The following ARFGEF1 variants were observed in gnomAD, a reference collection of about 807,000 sequenced individuals.
The protein encoded by ARFGEF1 is brefeldin A-inhibited guanine nucleotide-exchange protein 1.
Under a neutral mutation model 231.0 loss-of-function variants are expected in ARFGEF1, and 42 were observed. The observed-to-expected ratio is 0.18, with a 90% CI of 0.14 to 0.24. ARFGEF1 has a LOEUF of 0.24. Ranked by LOEUF, ARFGEF1 falls within the 10% of genes least tolerant of loss-of-function variation. The pLI, the probability that ARFGEF1 is intolerant of heterozygous loss-of-function variation, is 1.00. For missense variants in ARFGEF1, 1,345 were observed against 2,192.0 expected, an observed-to-expected ratio of 0.61 and a Z score of 7.72; for synonymous variants, 710 against 732.3, an observed-to-expected ratio of 0.97 and a Z score of 0.49.
At chr8:67,327,846 A>C (rs190145364) in intron 1 of ARFGEF1, among the ~76,000 whole-genome samples, 11 of 152,354 alleles carry the variant, frequency 7.2e-5, no homozygotes, top group Admixed American at 4.6e-4. Flanking sequence ...ACATCACTAC[A>C]TAGTACTTTG....
At chr8:67,191,560 CT>C (rs2129575402) in intron 5 of ARFGEF1, among the ~76,000 whole-genome samples, 1 of 152,298 alleles carries the variant, frequency 6.6e-6, no homozygotes, top group Non-Finnish European at 1.5e-5. Context: ...CTGGATTTGT[CT>C]TTCTTTTGAA....
In ARFGEF1 at chr8:67,175,522, C is replaced by T. The variant is rs780554630; in HGVS notation, c.*33G>A. 7.0e-5 allele frequency: 104 copies of T among 1,493,788 alleles called. No individual in the cohort carries two copies. In the African/African-American group the frequency reaches 1.2e-3, roughly 18 times the overall value. The allele number at this position is 1,493,788 out of a possible 1,614,324, so 92.5% of individuals were successfully genotyped here. A position where few individuals can be genotyped will look rare whatever the true frequency, so the allele number is the denominator to read the frequency against. ...TGCATCTCTTCTATTGATTTCATTC[C>T]CAGGCATCCTCCTTTCACTGGCAGC... On this transcript the variant is annotated 3_prime_UTR_variant, in exon 6 of 6. Transcript: ENST00000518789.
intron 3 of ARFGEF1, among the ~76,000 whole-genome samples, chr8:67,300,335 A>T (rs1475390741): frequency 6.6e-6 from 1 of 152,218 alleles, no homozygotes; most frequent in East Asian, 1.9e-4. Context: ...AGAACATCTG[A>T]AAAGAGAAGT....
intron 7 of ARFGEF1, among the ~76,000 whole-genome samples, chr8:67,284,652 G>A (rs1409793022): frequency 1.3e-5 from 2 of 152,132 alleles, no homozygotes; most frequent in Non-Finnish European, 2.9e-5. Context: ...GATACAAATA[G>A]AAAGTACAGA....
chr8:67,306,932 C>A (rs941415471), intron 1 of ARFGEF1, among the ~76,000 whole-genome samples: 13 of 152,164 alleles, frequency 8.5e-5, no homozygotes, highest in African/African-American at 1.2e-4. Flanking sequence ...GTGCCCGCCA[C>A]CAAGCACAGC....
intron 7 of ARFGEF1, among the ~76,000 whole-genome samples, chr8:67,283,502 C>T (rs1230450474): frequency 6.6e-6 from 1 of 151,944 alleles, no homozygotes; most frequent in East Asian, 1.9e-4. Context: ...AATATATATG[C>T]AGGCATGTGT....
chr8:67,336,885 C>T (rs1325050904), intron 1 of ARFGEF1, among the ~76,000 whole-genome samples: 2 of 152,178 alleles, frequency 1.3e-5, no homozygotes, highest in African/African-American at 4.8e-5. Flanking sequence ...AATCCCAGCA[C>T]CTTGGGAGGC....
At chr8:67,217,241 T>C (rs181204487) in intron 32 of ARFGEF1, among the ~76,000 whole-genome samples, 2,130 of 150,350 alleles carry the variant, frequency 0.014, 28 homozygotes, top group Non-Finnish European at 0.024. Flanking sequence ...GAGGCGGAGG[T>C]TGTGGTGAGC....
intron 1 of ARFGEF1, among the ~76,000 whole-genome samples, chr8:67,339,339 G>C (rs577840435): frequency 1.3e-5 from 2 of 151,964 alleles, no homozygotes; most frequent in Middle Eastern, 3.4e-3. Context: ...CTCTTATTGT[G>C]TATCAGTGAC....
chr8:67,311,597 C>T (rs1403575931), intron 1 of ARFGEF1, among the ~76,000 whole-genome samples: 4 of 148,448 alleles, frequency 2.7e-5, no homozygotes, highest in South Asian at 2.2e-4. Flanking sequence ...CCAGCCGCCT[C>T]GTCCGGGAGG....
At chr8:67,218,282 C>A (rs902006555) in intron 30 of ARFGEF1, 144 bp from the exon 31 acceptor site, 1 of 179,334 alleles carries the variant, frequency 5.6e-6, no homozygotes, top group South Asian at 2.0e-4. Flanking sequence ...CCTTTTAGAC[C>A]CCTGAATTCC....
chr8:67,270,751 G>A (rs1185099728), intron 10 of ARFGEF1, among the ~76,000 whole-genome samples: 19 of 146,520 alleles, frequency 1.3e-4, no homozygotes, highest in Non-Finnish European at 2.4e-4. Context: ...AAAGCTGGGC[G>A]CAGTGGCTCA....
chr8:67,325,909 G>A (rs1807811765), intron 1 of ARFGEF1, among the ~76,000 whole-genome samples: 2 of 152,172 alleles, frequency 1.3e-5, no homozygotes, highest in Admixed American at 1.3e-4. Context: ...AAGGCTGGGC[G>A]CAGTGGCTCA....
intron 14 of ARFGEF1, among the ~76,000 whole-genome samples, chr8:67,262,252 G>A (rs1004711642): frequency 6.6e-6 from 1 of 152,214 alleles, no homozygotes; most frequent in Non-Finnish European, 1.5e-5. Context: ...ATTTTCAGGA[G>A]TCCAAGACAT....
At chr8:67,316,115 G>A (rs972019445) in intron 1 of ARFGEF1, among the ~76,000 whole-genome samples, 2 of 152,038 alleles carry the variant, frequency 1.3e-5, no homozygotes, top group African/African-American at 4.8e-5. Context: ...TACAAACACC[G>A]CAGACATTAA....
intron 1 of ARFGEF1, among the ~76,000 whole-genome samples, chr8:67,333,912 C>T (rs992696006): frequency 4.6e-5 from 7 of 151,864 alleles, no homozygotes; most frequent in Admixed American, 3.3e-4. Context: ...CCAAGGTCAG[C>T]GGATCACCTG....
intron 5 of ARFGEF1, among the ~76,000 whole-genome samples, chr8:67,179,105 T>C (rs989086670): frequency 6.6e-6 from 1 of 152,172 alleles, no homozygotes; most frequent in South Asian, 2.1e-4. Flanking sequence ...GATTATCTGG[T>C]AAGAAGGTGC....
At chr8:67,195,716 AAAATT>A, downstream of ARFGEF1, 1 of 696,818 alleles carries the variant, frequency 1.4e-6, no homozygotes, top group South Asian at 1.9e-5. Context: ...ATCTGTATAT[AAAATT>A]ATTTTTATCA....
intron 1 of ARFGEF1, among the ~76,000 whole-genome samples, chr8:67,337,105 T>C (rs7013561): frequency 0.015 from 2,079 of 138,340 alleles, 55 homozygotes; most frequent in African/African-American, 0.054. Context: ...CTCCAGCCTG[T>C]GTGACAGAGC....
Sources: allele counts gnomAD v4.1 joint callset (sites outside exome capture counted in the v4.1 genomes callset), GRCh38; gene constraint gnomAD v4.1.1; transcripts MANE v1.5; gene names NCBI Gene and HGNC (gene_info 2026-07-23, HGNC 2026-07-21).